The following PRDM4 variants were observed in gnomAD, a reference collection of about 807,000 sequenced individuals.
PRDM4 encodes PR/SET domain 4.
PRDM4 carries 38 observed loss-of-function variants against 62.3 expected under a neutral mutation model. That is an observed-to-expected ratio of 0.61 (90% CI 0.47 to 0.80). The LOEUF is 0.80. Among genes scored for constraint, PRDM4 ranks in the 30% least tolerant of loss-of-function variants. The probability of loss-of-function intolerance (pLI) is 0.00; values close to 1 mark genes in which losing one functional copy is unlikely to be tolerated. For missense variants in PRDM4, 858 were observed against 997.1 expected (o/e 0.86, Z 1.88); for synonymous variants, 339 against 348.2 (o/e 0.97, Z 0.30).
intron 2 of PRDM4, among the ~76,000 whole-genome samples, chr12:107,758,073 T>C (rs1022366917): frequency 6.6e-6 from 1 of 152,080 alleles, no homozygotes; most frequent in Admixed American, 6.5e-5. Context: ...AGGTTACATA[T>C]TCCTTAGCAG....
chr12:107,742,882 G>T (rs1355974005), intron 8 of PRDM4, among the ~76,000 whole-genome samples: 1 of 150,584 alleles, frequency 6.6e-6, no homozygotes, highest in Admixed American at 6.7e-5. Flanking sequence ...TCCCACCTCA[G>T]CCTCCCAAGA....
Position 107,742,285 on chromosome 12 carries a change from T to G in PRDM4, c.1545A>C (p.Ser515=). 6.2e-7 allele frequency: 1 copy of G among 1,613,452 alleles called. No individual in the cohort carries two copies. The highest frequency in any genetic ancestry group is 8.5e-7 in the Non-Finnish European group (1 of 1,179,484). Reference sequence around the variant, plus strand: ...GTTCATTTTCAGGAGGGATATCTTGTGAGGTGCAGAAAAAGATTTTTCCAT... The same window carrying G: ...GTTCATTTTCAGGAGGGATATCTTGGGAGGTGCAGAAAAAGATTTTTCCAT... ...PHDGKIFFCT[S]QDIPPENELL... Residue 515 remains serine (S), a synonymous_variant, in exon 9 of 12, where the codon TCA becomes TCC. Coordinates refer to ENST00000228437, the MANE Select transcript of PRDM4 (RefSeq NM_012406.4).
At chr12:107,754,963 C>T (rs934300487) in intron 3 of PRDM4, 1 of 152,176 alleles carries the variant, frequency 6.6e-6, no homozygotes, top group African/African-American at 2.4e-5. Flanking sequence ...AAGCTTTAAA[C>T]GTGAGATTAT....
At chr12:107,751,103 T>A (rs1465584634) in intron 5 of PRDM4, among the ~76,000 whole-genome samples, 1 of 152,158 alleles carries the variant, frequency 6.6e-6, no homozygotes, top group African/African-American at 2.4e-5. Flanking sequence ...TGCCTCTGCC[T>A]CCAGAATAGC....
At chr12:107,759,412 G>C (rs1331764496) in intron 2 of PRDM4, among the ~76,000 whole-genome samples, 1 of 152,116 alleles carries the variant, frequency 6.6e-6, no homozygotes, top group Non-Finnish European at 1.5e-5. Flanking sequence ...AGCTGTAACA[G>C]CCTACTTAAC....
intron 4 of PRDM4, among the ~76,000 whole-genome samples, chr12:107,753,290 A>C (rs1001553469): frequency 3.9e-5 from 6 of 152,082 alleles, no homozygotes; most frequent in Admixed American, 3.9e-4. Flanking sequence ...CAAGCTACTC[A>C]AGAGTCTGAG....
rs531493808 is a variant in PRDM4, at chr12:107,753,366, C to A, written c.331+558G>T. 3.4e-5 allele frequency among the ~76,000 whole-genome samples: 5 copies of A among 148,910 alleles called. No individual in the cohort carries two copies. In the East Asian group the frequency reaches 9.8e-4, roughly 29 times the overall value. On this transcript the variant is annotated intron_variant, in intron 4 of 11. Coordinates refer to ENST00000228437, the MANE Select transcript of PRDM4 (RefSeq NM_012406.4). ...GGGCAAAATAGTTGAGACTCCGTCT[C>A]CATTAAAAGAAAAAAAAAAAAAAGA...
rs569248065 is a variant in PRDM4 at position 107,757,932 on chromosome 12, A to G, written c.12-967T>C. Among the ~76,000 whole-genome samples the G allele has an allele frequency of 3.9e-5, 6 of 152,314 alleles. 1 individual carries two copies. Among genetic ancestry groups the G allele is most frequent in the African/African-American group, 1.4e-4 (6 of 41,574 alleles). On this transcript the variant is annotated intron_variant, in intron 2 of 11. Transcript: ENST00000228437. ...ATCATAATTTAGAGACTGCCATACT[A>G]TAAACATTACAGAACCACTAGGCTA...
At position 107,734,467 on chromosome 12, in the gene PRDM4, A is replaced by G. The variant is rs755842750; in HGVS notation, c.2149T>C (p.Leu717=). The G allele has an allele frequency of 2.5e-6, 4 of 1,614,192 alleles. No individual in the cohort carries two copies. The Admixed American group carries it at 6.7e-5, about 27-fold the overall frequency. Residue 717 remains leucine, a synonymous_variant, in exon 12 of 12, where the codon TTA becomes CTA. Transcript: ENST00000228437. ...CDKLFLRTNH[L]KKHLNSHEGK... ...TCATGAGAATTGAGATGCTTCTTTAAGTGATTTGTTCTCAAGAACAGCTTA... is the reference window on the plus strand; with the variant it reads ...TCATGAGAATTGAGATGCTTCTTTAGGTGATTTGTTCTCAAGAACAGCTTA...
chr12:107,753,599 T>A (rs1347476007), intron 4 of PRDM4, among the ~76,000 whole-genome samples: 1 of 152,110 alleles, frequency 6.6e-6, no homozygotes, highest in Admixed American at 6.5e-5. Context: ...TTAAAAAACA[T>A]GACACTATAA....
intron 2 of PRDM4, chr12:107,759,797 G>A (rs1891175228): frequency 6.6e-6 from 1 of 152,172 alleles, no homozygotes. Flanking sequence ...CCCGGAAGAA[G>A]GCAAGAATCA....
At chr12:107,745,964 T>C (rs1890688825) in intron 6 of PRDM4, among the ~76,000 whole-genome samples, 1 of 152,234 alleles carries the variant, frequency 6.6e-6, no homozygotes, top group East Asian at 1.9e-4. Flanking sequence ...TTTTAAGAAA[T>C]GTGTTGTTAG....
rs751501024 is a variant in PRDM4, at chr12:107,752,155, G to A, written c.386C>T (p.Ser129Phe). 6.2e-7 allele frequency: 1 copy of A among 1,600,044 alleles called. No homozygotes were observed. The highest frequency in any genetic ancestry group is 8.6e-7 in the Non-Finnish European group (1 of 1,167,162). The stretch of plus-strand genomic sequence containing the variant: ...TGCTGTATTACCATCAACATTTATA[G>A]AGTTAGGGTGGATGTACTGTGGAGG... The part of the protein sequence containing the change: ...RPPPQYIHPN[S>F]INVDGNTALS... Residue 129 changes from serine to phenylalanine, a missense_variant, in exon 5 of 12, where the codon TCT (serine) becomes TTT (phenylalanine). Coordinates refer to ENST00000228437, the MANE Select transcript of PRDM4 (RefSeq NM_012406.4).
rs771184863 is a variant in PRDM4, at chr12:107,751,973, T to C, written c.568A>G (p.Thr190Ala). Residue 190 changes from threonine to alanine, a missense_variant, in exon 5 of 12, where the codon ACA (threonine) becomes GCA (alanine). By Grantham distance (58) the Thr-to-Ala change is moderately conservative. Around this residue, in one of 3 missense-constraint regions of PRDM4, gnomAD observed 499 missense variants for 546.7 expected, o/e 0.91. Transcript: ENST00000228437. ...PSDGHEVALD[T>A]AITMENVSRV... is the part of the protein sequence containing the mutation. Reference sequence around the variant, plus strand: ...GAAACGTTCTCCATAGTGATTGCTGTGTCCAAGGCCACCTCATGGCCATCA... The same window carrying C: ...GAAACGTTCTCCATAGTGATTGCTGCGTCCAAGGCCACCTCATGGCCATCA... 1.2e-6 allele frequency: 2 copies of C among 1,614,256 alleles called. No homozygotes were observed. Among genetic ancestry groups the C allele is most frequent in the South Asian group, 2.2e-5 (2 of 91,086 alleles).
chr12:107,742,507 C>T, intron 8 of PRDM4, 159 bp from the exon 9 acceptor site: 1 of 783,984 alleles, frequency 1.3e-6, no homozygotes, highest in Admixed American at 2.9e-5. Flanking sequence ...TATGAGAAGG[C>T]AGTTGTAGAG....
At chr12:107,742,720 A>G (rs1295545241) in intron 8 of PRDM4, 1 of 240,384 alleles carries the variant, frequency 4.2e-6, no homozygotes, top group Non-Finnish European at 8.0e-6. Flanking sequence ...AAAGGCACCC[A>G]CTTTCAAATT....
chr12:107,746,934 TTTTTC>T (rs201404396), intron 5 of PRDM4, among the ~76,000 whole-genome samples: 2 of 152,222 alleles, frequency 1.3e-5, no homozygotes, highest in East Asian at 3.9e-4. Flanking sequence ...GATCTGATTT[TTTTTC>T]TTTTGATCCA....
Position 107,756,855 on chromosome 12 carries a change from G to A in PRDM4, c.122C>T (p.Thr41Ile). ...ACCTGGGGCAGGGATGGCACTGTGA[G>A]TGGGTGAGGCAGCCAATCCCAGGTG... ...GSHLGLAASPTHSAIPAPGLP... is the reference protein window; with the variant it reads ...GSHLGLAASPIHSAIPAPGLP... The change falls in exon 3 of 12, where the codon ACT (threonine) becomes ATT (isoleucine). Residue 41 changes from threonine (T) to isoleucine (I), a missense_variant. Transcript: ENST00000228437. 1 of 1,614,166 alleles carries A rather than the reference G, an allele frequency of 6.2e-7. No homozygotes were observed. The highest frequency in any genetic ancestry group is 8.5e-7 in the Non-Finnish European group (1 of 1,180,028).
chr12:107,751,048 T>A (rs1182688119), intron 5 of PRDM4, among the ~76,000 whole-genome samples: 1 of 152,106 alleles, frequency 6.6e-6, no homozygotes, highest in Non-Finnish European at 1.5e-5. Context: ...ACAGGTGGGA[T>A]CACAGAACAC....
Sources: gnomAD v4.1 joint callset for allele counts (sites outside exome capture counted in the v4.1 genomes callset) on GRCh38, gnomAD v4.1.1 for gene constraint, gnomAD v4.1.1 regional missense constraint, MANE v1.5 for transcripts, NCBI Gene and HGNC (gene_info 2026-07-23, HGNC 2026-07-21) for gene names.